The following ATXN2 variants were observed in gnomAD, a reference collection of about 807,000 sequenced individuals.
ATXN2 encodes ataxin-2.
ATXN2 carries 37 observed loss-of-function variants against 138.6 expected under a neutral mutation model. The observed-to-expected ratio is 0.27, with a 90% CI of 0.21 to 0.35. ATXN2 has a LOEUF of 0.35. Ranked by LOEUF, ATXN2 falls within the 10% of genes least tolerant of loss-of-function variation. The pLI, the probability that ATXN2 is intolerant of heterozygous loss-of-function variation, is 1.00. For synonymous variants in ATXN2, 549 were observed against 543.7 expected (o/e 1.01, Z -0.13); for missense variants, 1,216 against 1,480.3 (o/e 0.82, Z 2.93).
intron 1 of ATXN2, among the ~76,000 whole-genome samples, chr12:111,558,759 T>C (rs1882517500): frequency 6.6e-6 from 1 of 152,132 alleles, no homozygotes; most frequent in Non-Finnish European, 1.5e-5. Flanking sequence ...ATTATGCCAC[T>C]GCACTCCAGC....
At chr12:111,517,657 T>C (rs1421810412) in intron 9 of ATXN2, among the ~76,000 whole-genome samples, 1 of 152,092 alleles carries the variant, frequency 6.6e-6, no homozygotes, top group African/African-American at 2.4e-5. Flanking sequence ...AAGATTCAGG[T>C]TTCTTTTACT....
chr12:111,553,551 G>A (rs953660129), intron 3 of ATXN2, among the ~76,000 whole-genome samples: 2 of 101,790 alleles, frequency 2.0e-5, no homozygotes, highest in South Asian at 3.8e-4. Context: ...TGGTTCAGAC[G>A]CAACCATGCC....
At chr12:111,485,983 T>C (rs1038489458) in intron 16 of ATXN2, 118 bp from the exon 17 acceptor site, 2 of 938,834 alleles carry the variant, frequency 2.1e-6, no homozygotes, top group Admixed American at 3.7e-5. Flanking sequence ...GTCCCTTTTA[T>C]TGAAAACAAA....
At chr12:111,501,621 A>G (rs1489166255) in intron 14 of ATXN2, among the ~76,000 whole-genome samples, 1 of 152,216 alleles carries the variant, frequency 6.6e-6, no homozygotes, top group Non-Finnish European at 1.5e-5. Flanking sequence ...ATAGCTAAAG[A>G]GTCAAGTGGC....
intron 14 of ATXN2, among the ~76,000 whole-genome samples, chr12:111,507,455 C>A (rs1879218480): frequency 6.6e-6 from 1 of 151,684 alleles, no homozygotes; most frequent in African/African-American, 2.4e-5. Context: ...AAGTGAGGAG[C>A]ATCTCCACCC....
chr12:111,598,631 T>C lies in ATXN2; in HGVS notation c.251+153A>G. On this transcript the variant is annotated intron_variant, in intron 1 of 24. Transcript: ENST00000673436. This position sits in a 1 kb window ranked among gnomAD's most constrained non-coding sequence, Gnocchi z 4.5. The stretch of plus-strand genomic sequence containing the variant: ...CCCGGCTGCGCCCACCGGCCGAGCC[T>C]CGGGGCTCAGGCCCGAGCGAGTCTC... The C allele has an allele frequency of 1.1e-6, 1 of 936,600 alleles. No individual in the cohort carries two copies. The highest frequency in any genetic ancestry group is 1.3e-6 in the Non-Finnish European group (1 of 785,268). 58.0% of individuals were successfully genotyped at this position (936,600 alleles called of 1,614,324 possible).
At position 111,598,423 on chromosome 12, in the gene ATXN2, A is replaced by G. The variant is rs1393152182; in HGVS notation, c.251+361T>C. 1 of 985,460 alleles carries G rather than the reference A, an allele frequency of 1.0e-6. No individual in the cohort carries two copies. The highest frequency in any genetic ancestry group is 1.7e-5 in the African/African-American group (1 of 57,212). The allele number at this position is 985,460 out of a possible 1,614,324, so 61.0% of individuals were successfully genotyped here. ...CCGGGAGTGGAGGAGCTGCCCGAGC[A>G]TCCCCACGCTGCGGGCGGAGGATCG... On this transcript the variant is annotated intron_variant, in intron 1 of 24. Coordinates refer to ENST00000673436, the MANE Select transcript of ATXN2 (RefSeq NM_001372574.1). The surrounding 1 kb of genome is among the most constrained non-coding windows in gnomAD (Gnocchi z 4.5).
At chr12:111,548,878 C>T (rs1365985028) in intron 5 of ATXN2, among the ~76,000 whole-genome samples, 1 of 152,148 alleles carries the variant, frequency 6.6e-6, no homozygotes, top group Admixed American at 6.5e-5. Flanking sequence ...TGTGCCATCA[C>T]GTCCCGCTAA....
intron 18 of ATXN2, among the ~76,000 whole-genome samples, chr12:111,473,437 T>C (rs1876559418): frequency 6.6e-6 from 1 of 152,198 alleles, no homozygotes; most frequent in Admixed American, 6.5e-5. Flanking sequence ...TTAAATTACT[T>C]TTCCTAAGAA....
At chr12:111,520,209 C>T (rs750492260) in intron 7 of ATXN2, 133 bp from the exon 8 acceptor site, 15 of 1,196,336 alleles carry the variant, frequency 1.3e-5, no homozygotes, top group Non-Finnish European at 1.3e-5. Flanking sequence ...AAAACTAAAA[C>T]TAAAAGTTAT....
chr12:111,521,473 T>G (rs940123166), intron 6 of ATXN2, among the ~76,000 whole-genome samples: 1 of 152,238 alleles, frequency 6.6e-6, no homozygotes, highest in African/African-American at 2.4e-5. Flanking sequence ...CTTTCCCTCA[T>G]ATTCAACGAT....
intron 1 of ATXN2, among the ~76,000 whole-genome samples, chr12:111,570,679 CATT>C (rs1452803708): frequency 1.3e-5 from 2 of 152,168 alleles, no homozygotes; most frequent in African/African-American, 4.8e-5. Context: ...TCTCAACTCT[CATT>C]ATTTTGAAGC....
chr12:111,455,064 T>C lies in ATXN2; in HGVS notation c.3270+965A>G, dbSNP rs570193403. The C allele has an allele frequency of 2.1e-4, 145 of 703,014 alleles. 1 individual carries two copies. Among genetic ancestry groups the C allele is most frequent in the South Asian group, 1.6e-3 (108 of 67,598 alleles). The allele number at this position is 703,014 out of a possible 1,614,324, so 43.5% of individuals were successfully genotyped here. A position where few individuals can be genotyped will look rare whatever the true frequency, so the allele number is the denominator to read the frequency against. On this transcript the variant is annotated intron_variant, in intron 23 of 24. Transcript: ENST00000673436. The stretch of plus-strand genomic sequence containing the variant: ...ACTTACAAGGTAGCCTTCTGAGAGA[T>C]AGATCCAACTGAGTCGCATCTCTAG...
At chr12:111,481,493 C>T (rs1192197996) in intron 18 of ATXN2, among the ~76,000 whole-genome samples, 1 of 122,766 alleles carries the variant, frequency 8.1e-6, no homozygotes, top group Non-Finnish European at 1.5e-5. Flanking sequence ...ATGGACATAA[C>T]CCAAACCAAA....
At chr12:111,522,849 G>A (rs184153370) in intron 6 of ATXN2, among the ~76,000 whole-genome samples, 2 of 152,222 alleles carry the variant, frequency 1.3e-5, no homozygotes, top group African/African-American at 2.4e-5. Context: ...GGAAGGCAGA[G>A]GTTTCAGTGA....
At chr12:111,592,380 C>CT (rs1019984590) in intron 1 of ATXN2, among the ~76,000 whole-genome samples, 1 of 150,126 alleles carries the variant, frequency 6.7e-6, no homozygotes, top group African/African-American at 2.4e-5. Flanking sequence ...GACAGAGACT[C>CT]TGTCTCAAAA....
chr12:111,578,108 A>T (rs1883781885), intron 1 of ATXN2, among the ~76,000 whole-genome samples: 1 of 152,142 alleles, frequency 6.6e-6, no homozygotes, highest in Non-Finnish European at 1.5e-5. Flanking sequence ...GAGGCAGGAG[A>T]ATCGCTTGAA....
chr12:111,455,414 A>G (rs1875006557), intron 23 of ATXN2: 1 of 384,414 alleles, frequency 2.6e-6, no homozygotes, highest in South Asian at 2.9e-5. Context: ...GGTGAGCTCC[A>G]AAGTGCTTCC....
intron 21 of ATXN2, among the ~76,000 whole-genome samples, chr12:111,464,092 CTGAG>C (rs1347919993): frequency 1.3e-5 from 2 of 152,008 alleles, no homozygotes; most frequent in African/African-American, 2.4e-5. Flanking sequence ...CTGGCCCTTC[CTGAG>C]TATTTTAAAC....
Sources: allele counts gnomAD v4.1 joint callset (sites outside exome capture counted in the v4.1 genomes callset), GRCh38; gene constraint gnomAD v4.1.1; non-coding constraint Gnocchi (gnomAD v3.1); transcripts MANE v1.5; gene names NCBI Gene and HGNC (gene_info 2026-07-23, HGNC 2026-07-21).